Variants in PLCG2 observed in about 807,000 individuals in gnomAD.
PLCG2 encodes 1-phosphatidylinositol 4,5-bisphosphate phosphodiesterase gamma-2.
In PLCG2, 69 loss-of-function variants were observed where a neutral mutation model predicts 175.6. The observed-to-expected ratio is 0.39, with a 90% confidence interval of 0.32 to 0.48. The LOEUF (loss-of-function observed/expected upper bound fraction) is 0.48, where lower values mean the gene tolerates loss of function less well. Ranked by LOEUF, PLCG2 falls within the 20% of genes least tolerant of loss-of-function variation. PLCG2 has a pLI of 0.91. For synonymous variants in PLCG2, 827 were observed against 624.0 expected (o/e 1.33, Z -4.85); for missense variants, 1,798 against 1,650.9 (o/e 1.09, Z -1.54).
chr16:81,867,595 C>CCTGT (rs1567506735), intron 5 of PLCG2, among the ~76,000 whole-genome samples: 1 of 152,222 alleles, frequency 6.6e-6, no homozygotes, highest in African/African-American at 2.4e-5. Context: ...TAGAACAACA[C>CCTGT]CTGTCACCTG....
intron 22 of PLCG2, 44 bp downstream of exon 22, chr16:81,923,638 C>T (rs1311759674): frequency 1.7e-6 from 2 of 1,159,970 alleles, no homozygotes; most frequent in South Asian, 1.3e-5. Flanking sequence ...GTGGGCTTGA[C>T]TTGTCCCTTC....
At chr16:81,926,974 G>A (rs1910299892) in intron 22 of PLCG2, 108 bp from the exon 23 acceptor site, 2 of 721,346 alleles carry the variant, frequency 2.8e-6, no homozygotes. Flanking sequence ...TTGGCCACTT[G>A]CTGTCTGTCC....
intron 22 of PLCG2, among the ~76,000 whole-genome samples, chr16:81,924,068 C>G (rs943224347): frequency 6.6e-6 from 1 of 152,250 alleles, no homozygotes; most frequent in Admixed American, 6.5e-5. Context: ...GTATGCTGTT[C>G]CATAGTCCCG....
rs779697226 is a variant in PLCG2 at position 81,908,524 on chromosome 16, G to A, written c.1666G>A (p.Gly556Ser). Residue 556 changes from glycine to serine, a missense_variant, in exon 17 of 33, where the codon GGC becomes AGC. Transcript: ENST00000564138. ...LLQEYCMETGGKDGTFLVRES... is the reference protein window; with the variant it reads ...LLQEYCMETGSKDGTFLVRES... ...GCAGGAATACTGCATGGAGACGGGG[G>A]GCAAGGATGGCACCTTCCTGGTTCG... 5 of 1,613,780 alleles carry A rather than the reference G, an allele frequency of 3.1e-6. No homozygotes were observed. The South Asian group carries it at 3.3e-5, about 11-fold the overall frequency.
chr16:81,809,631 A>G (rs181482518), intron 2 of PLCG2, among the ~76,000 whole-genome samples: 1 of 152,170 alleles, frequency 6.6e-6, no homozygotes, highest in Non-Finnish European at 1.5e-5. Context: ...CAGGAAACAC[A>G]TGGACCAGAC....
At chr16:81,936,630 G>C (rs1019649921) in intron 27 of PLCG2, among the ~76,000 whole-genome samples, 1 of 152,172 alleles carries the variant, frequency 6.6e-6, no homozygotes, top group Non-Finnish European at 1.5e-5. Context: ...AGTTAGTCTG[G>C]CTTAGAAAAA....
chr16:81,839,702 A>T (rs1270086706), intron 2 of PLCG2, among the ~76,000 whole-genome samples: 1 of 152,220 alleles, frequency 6.6e-6, no homozygotes, highest in Non-Finnish European at 1.5e-5. Context: ...GGCACCATTT[A>T]AATTTAATTA....
chr16:81,916,783 A>G (rs925254980), intron 19 of PLCG2, among the ~76,000 whole-genome samples: 2 of 152,058 alleles, frequency 1.3e-5, no homozygotes, highest in Admixed American at 1.3e-4. Context: ...GATTACAGGC[A>G]TGCACCACCA....
intron 2 of PLCG2, among the ~76,000 whole-genome samples, chr16:81,849,474 C>G (rs777646033): frequency 2.6e-5 from 4 of 152,142 alleles, no homozygotes; most frequent in Non-Finnish European, 5.9e-5. Context: ...AAGATCCCCT[C>G]TTGGCTGGGC....
In PLCG2 at chr16:81,962,618, G is replaced by C. The variant is rs1911817638; in HGVS notation, c.*4620G>C. The C allele has an allele frequency of 4.5e-6, 1 of 223,062 alleles. No homozygotes were observed. The highest frequency in any genetic ancestry group is 6.6e-5 in the East Asian group (1 of 15,264). The allele number at this position is 223,062 out of a possible 1,614,324, so 13.8% of individuals were successfully genotyped here. On this transcript the variant is annotated 3_prime_UTR_variant, in exon 33 of 33. Coordinates refer to ENST00000564138, the MANE Select transcript of PLCG2 (RefSeq NM_002661.5). ...AAGTGAATGAGTCACACAGATGTTG[G>C]CTGTTGTTAATGTGAAAATTAAACA...
In PLCG2 at chr16:81,958,188, C is replaced by G; in HGVS notation, c.*190C>G. 1 of 600,224 alleles carries G rather than the reference C, an allele frequency of 1.7e-6. No homozygotes were observed. Among genetic ancestry groups the G allele is most frequent in the Non-Finnish European group, 3.0e-6 (1 of 328,300 alleles). 37.2% of individuals were successfully genotyped at this position (600,224 alleles called of 1,614,324 possible). A position where few individuals can be genotyped will look rare whatever the true frequency, so the allele number is the denominator to read the frequency against. On this transcript the variant is annotated 3_prime_UTR_variant, in exon 33 of 33. Coordinates refer to ENST00000564138, the MANE Select transcript of PLCG2 (RefSeq NM_002661.5). ...AATTTCCTATTATTTTCATCTTGGA[C>G]AACTTTCTTAACTTATATTCTTTAT...
At chr16:81,746,264 C>A (rs959832226) in intron 1 of PLCG2, among the ~76,000 whole-genome samples, 2 of 152,200 alleles carry the variant, frequency 1.3e-5, no homozygotes, top group African/African-American at 4.8e-5. Flanking sequence ...CTACTCGTGA[C>A]ACGTGGGGGT....
chr16:81,902,948 G>A (rs1025425845), intron 14 of PLCG2, among the ~76,000 whole-genome samples: 11 of 152,136 alleles, frequency 7.2e-5, no homozygotes, highest in Admixed American at 2.0e-4. Context: ...AGAACAGCAC[G>A]TGAAAGGCCC....
chr16:81,743,131 T>C (rs1173230185), intron 1 of PLCG2, among the ~76,000 whole-genome samples: 2 of 151,646 alleles, frequency 1.3e-5, no homozygotes, highest in African/African-American at 4.9e-5. Flanking sequence ...TGAGTCTCTG[T>C]CTCTACTAAA....
At chr16:81,935,495 T>C (rs750255867) in intron 26 of PLCG2, 7 of 984,518 alleles carry the variant, frequency 7.1e-6, no homozygotes, top group Non-Finnish European at 7.2e-6. Flanking sequence ...ACGTATTTTT[T>C]TCTTTGGGTG....
chr16:81,847,635 G>A (rs1906194836), intron 2 of PLCG2, among the ~76,000 whole-genome samples: 1 of 152,182 alleles, frequency 6.6e-6, no homozygotes, highest in South Asian at 2.1e-4. Context: ...TGTGGATTCT[G>A]CGTCTGCGGA....
In PLCG2 at chr16:81,858,332, C is replaced by T. The variant is rs777990663; in HGVS notation, c.407C>T (p.Ala136Val). The change falls in exon 4 of 33, where the codon GCG becomes GTG. Residue 136 changes from alanine to valine, a missense_variant. Transcript: ENST00000564138. ...LKILHQEAMNASTPTIIESWL... is the reference protein window; with the variant it reads ...LKILHQEAMNVSTPTIIESWL... ...ATCTTACACCAGGAAGCGATGAATGCGTCCACGCCCACCATTATCGAGAGG... is the reference window on the plus strand; with the variant it reads ...ATCTTACACCAGGAAGCGATGAATGTGTCCACGCCCACCATTATCGAGAGG... 1.7e-5 allele frequency: 28 copies of T among 1,613,070 alleles called. No homozygotes were observed. Among genetic ancestry groups the T allele is most frequent in the Middle Eastern group, 1.6e-4 (1 of 6,084 alleles).
At chr16:81,839,679 A>C (rs888954725) in intron 2 of PLCG2, among the ~76,000 whole-genome samples, 1 of 152,194 alleles carries the variant, frequency 6.6e-6, no homozygotes, top group East Asian at 1.9e-4. Flanking sequence ...CAGTTAAGAC[A>C]TAACAAAGGG....
intron 22 of PLCG2, among the ~76,000 whole-genome samples, chr16:81,925,146 G>T (rs770048651): frequency 1.3e-5 from 2 of 152,192 alleles, no homozygotes; most frequent in African/African-American, 2.4e-5. Context: ...AATTTCGAAG[G>T]CTCTTGTCTT....
Sources: gnomAD v4.1 joint callset for allele counts (sites outside exome capture counted in the v4.1 genomes callset) on GRCh38, gnomAD v4.1.1 for gene constraint, MANE v1.5 for transcripts, NCBI Gene and HGNC (gene_info 2026-07-23, HGNC 2026-07-21) for gene names.